The following KCTD1 variants were observed in gnomAD, a reference collection of about 807,000 sequenced individuals.
KCTD1 encodes the protein potassium channel tetramerization domain containing 1.
Under a neutral mutation model 66.0 loss-of-function variants are expected in KCTD1, and 24 were observed. The ratio of observed to expected loss-of-function variants is 0.36; its 90% CI spans 0.26 to 0.51. KCTD1 has a LOEUF of 0.51. Ranked by LOEUF, KCTD1 falls within the 20% of genes least tolerant of loss-of-function variation. KCTD1 has a pLI of 0.95. For missense variants in KCTD1, 943 were observed against 1,205.2 expected (o/e 0.78, Z 3.22); for synonymous variants, 511 against 517.2 (o/e 0.99, Z 0.16).
At chr18:26,467,422 C>T (rs1467644488) in intron 3 of KCTD1, among the ~76,000 whole-genome samples, 4 of 152,040 alleles carry the variant, frequency 2.6e-5, no homozygotes, top group Non-Finnish European at 5.9e-5. Flanking sequence ...GGGCGCTGAG[C>T]GGGGAGGACT....
intron 1 of KCTD1, among the ~76,000 whole-genome samples, chr18:26,602,683 A>G (rs1360062248): frequency 6.6e-6 from 1 of 152,214 alleles, no homozygotes; most frequent in Non-Finnish European, 1.5e-5. Flanking sequence ...TATCAGCTAC[A>G]TGATAGATCT....
At chr18:26,560,141 G>GAAAAAAAAAAAA (rs199584163) in intron 1 of KCTD1, among the ~76,000 whole-genome samples, 1 of 103,794 alleles carries the variant, frequency 9.6e-6, no homozygotes, top group African/African-American at 3.0e-5. Flanking sequence ...CCCCCCACCA[G>GAAAAAAAAAAAA]AAAAAAAAAA....
intron 1 of KCTD1, among the ~76,000 whole-genome samples, chr18:26,511,488 T>C (rs1389196416): frequency 6.6e-6 from 1 of 152,218 alleles, no homozygotes; most frequent in African/African-American, 2.4e-5. Flanking sequence ...GAAGTCGCCC[T>C]GCACACGCTG....
At chr18:26,613,582 T>C (rs1419702726) in intron 1 of KCTD1, among the ~76,000 whole-genome samples, 1 of 152,226 alleles carries the variant, frequency 6.6e-6, no homozygotes, top group African/African-American at 2.4e-5. Context: ...CCATTTTTTA[T>C]TGTACTGCTA....
At chr18:26,656,041 G>T (rs959863758) in intron 1 of KCTD1, among the ~76,000 whole-genome samples, 1 of 152,140 alleles carries the variant, frequency 6.6e-6, no homozygotes, top group East Asian at 1.9e-4. Context: ...GAGTGGGTAG[G>T]GGGGCGGCGG....
intron 2 of KCTD1, among the ~76,000 whole-genome samples, chr18:26,481,405 C>A (rs143485997): frequency 1.7e-3 from 252 of 152,186 alleles, no homozygotes; most frequent in African/African-American, 5.7e-3. Flanking sequence ...GAGAAGGGTG[C>A]GGAAGATACA....
At chr18:26,549,862 C>T (rs891711110), upstream of KCTD1, 27 of 946,228 alleles carry the variant, frequency 2.9e-5, no homozygotes, top group Non-Finnish European at 3.1e-5. Flanking sequence ...AGACACTGCC[C>T]CACTTCCAGC....
At chr18:26,569,909 G>A (rs574808895) in intron 1 of KCTD1, among the ~76,000 whole-genome samples, 5 of 152,226 alleles carry the variant, frequency 3.3e-5, no homozygotes, top group African/African-American at 7.2e-5. Flanking sequence ...CACATAGGCC[G>A]GGTGCAGTGG....
chr18:26,465,434 T>C (rs977826981), intron 3 of KCTD1, among the ~76,000 whole-genome samples: 1 of 152,162 alleles, frequency 6.6e-6, no homozygotes, highest in African/African-American at 2.4e-5. Flanking sequence ...GTGCCCCTTT[T>C]CTCCTGCCAC....
intron 1 of KCTD1, among the ~76,000 whole-genome samples, chr18:26,591,892 T>C (rs374342072): frequency 2.6e-4 from 40 of 152,332 alleles, no homozygotes; most frequent in African/African-American, 9.6e-4. Flanking sequence ...TTTTAAAAAA[T>C]CAGTTTTTGT....
chr18:26,509,135 TCTTTCTGGTAATTTCACTTAAGTA>T (rs1983203699), intron 1 of KCTD1, among the ~76,000 whole-genome samples: 1 of 139,680 alleles, frequency 7.2e-6, no homozygotes, highest in African/African-American at 2.9e-5. Context: ...AAGAAAATAA[TCTTTCTGGTAATTTCACTTAAGTA>T]AAAAAAAAAA....
intron 2 of KCTD1, among the ~76,000 whole-genome samples, chr18:26,487,970 A>T (rs1982001882): frequency 6.6e-6 from 1 of 152,216 alleles, no homozygotes; most frequent in Admixed American, 6.5e-5. Flanking sequence ...TAGTTTGATG[A>T]CTTCACTTCC....
chr18:26,551,069 G>C (rs1985548525), upstream of KCTD1, among the ~76,000 whole-genome samples: 1 of 152,172 alleles, frequency 6.6e-6, no homozygotes, highest in South Asian at 2.1e-4. Flanking sequence ...CCACCTCTGC[G>C]GGCGGCGGGG....
At chr18:26,541,356 T>G (rs985126696) in intron 1 of KCTD1, among the ~76,000 whole-genome samples, 3 of 152,132 alleles carry the variant, frequency 2.0e-5, no homozygotes, top group Admixed American at 6.5e-5. Context: ...CACATATGAT[T>G]AAAAACTCCA....
At chr18:26,576,478 T>C (rs911243094) in intron 1 of KCTD1, among the ~76,000 whole-genome samples, 10 of 152,222 alleles carry the variant, frequency 6.6e-5, no homozygotes, top group African/African-American at 2.4e-4. Context: ...GTCTCTTGGC[T>C]TCCCTTAATT....
intron 1 of KCTD1, among the ~76,000 whole-genome samples, chr18:26,501,463 A>G (rs550986327): frequency 6.6e-6 from 1 of 152,376 alleles, no homozygotes; most frequent in East Asian, 1.9e-4. Context: ...AGAAATAAGG[A>G]GCTGAACTAA....
chr18:26,460,683 C>T (rs1034635225), intron 3 of KCTD1: 1 of 152,178 alleles, frequency 6.6e-6, no homozygotes, highest in African/African-American at 2.4e-5. Flanking sequence ...GAAAACCTGT[C>T]CATTTCTGCA....
chr18:26,473,032 TG>T (rs1465783063), intron 3 of KCTD1, among the ~76,000 whole-genome samples: 1 of 152,212 alleles, frequency 6.6e-6, no homozygotes, highest in East Asian at 1.9e-4. Flanking sequence ...TGCAGAGTGT[TG>T]TCTAATTCAG....
chr18:26,563,088 T>C (rs1421687215), intron 1 of KCTD1, among the ~76,000 whole-genome samples: 1 of 152,164 alleles, frequency 6.6e-6, no homozygotes, highest in African/African-American at 2.4e-5. Flanking sequence ...TTCCTCTCCT[T>C]TATGTCAAAT....
Sources: allele counts gnomAD v4.1 joint callset (sites outside exome capture counted in the v4.1 genomes callset), GRCh38; gene constraint gnomAD v4.1.1; transcripts MANE v1.5; gene names NCBI Gene and HGNC (gene_info 2026-07-23, HGNC 2026-07-21).